The following ATAT1 variants were observed in gnomAD, a reference collection of about 807,000 sequenced individuals.
ATAT1 encodes alpha tubulin acetyltransferase 1.
Under a neutral mutation model 57.2 loss-of-function variants are expected in ATAT1, and 42 were observed. The ratio of observed to expected loss-of-function variants is 0.73; its 90% CI spans 0.57 to 0.95. The LOEUF (loss-of-function observed/expected upper bound fraction) is 0.95, where lower values mean the gene tolerates loss of function less well. Among genes scored for constraint, ATAT1 ranks in the 40% least tolerant of loss-of-function variants. The pLI is 0.00. For synonymous variants in ATAT1, 168 were observed against 187.1 expected, an observed-to-expected ratio of 0.90 and a Z score of 0.83; for missense variants, 454 against 523.7, an observed-to-expected ratio of 0.87 and a Z score of 1.30.
Position 30,646,587 on chromosome 6 carries a change from C to A in ATAT1, c.1174C>A (p.Leu392Ile). 6.3e-7 allele frequency: 1 copy of A among 1,578,478 alleles called. No individual in the cohort carries two copies. Among genetic ancestry groups the A allele is most frequent in the Non-Finnish European group, 8.6e-7 (1 of 1,162,538 alleles). Residue 392 changes from leucine to isoleucine, a missense_variant, in exon 13 of 13, where the codon CTC becomes ATC. Physicochemically the swap from Leu to Ile is conservative, Grantham distance 5. Coordinates refer to ENST00000330083, the MANE Select transcript of ATAT1 (RefSeq NM_001031722.4). ...GTCCTGGACAGTGGGTGGGGACATACTCAACGCCAGGTTCATTCGAAACCT... is the reference window on the plus strand; with the variant it reads ...GTCCTGGACAGTGGGTGGGGACATAATCAACGCCAGGTTCATTCGAAACCT...
intron 6 of ATAT1, among the ~76,000 whole-genome samples, chr6:30,639,660 G>A (rs1005975344): frequency 1.3e-5 from 2 of 151,560 alleles, no homozygotes; most frequent in Non-Finnish European, 2.9e-5. Context: ...TGTATTTTTA[G>A]TAGAGATGGG....
intron 6 of ATAT1, among the ~76,000 whole-genome samples, chr6:30,629,663 G>A (rs555050530): frequency 6.6e-6 from 1 of 152,270 alleles, no homozygotes; most frequent in Non-Finnish European, 1.5e-5. Context: ...TCCTGCCTCA[G>A]CCTCCCGAGT....
At chr6:30,627,401 C>T in intron 1 of ATAT1, 59 bp from the exon 2 acceptor site, 7 of 1,598,334 alleles carry the variant, frequency 4.4e-6, no homozygotes, top group Non-Finnish European at 6.0e-6. Flanking sequence ...CCAGGACTGA[C>T]TGCCTAGGAC....
chr6:30,636,218 T>C (rs1345546653), intron 6 of ATAT1, among the ~76,000 whole-genome samples: 1 of 152,102 alleles, frequency 6.6e-6, no homozygotes, highest in Admixed American at 6.6e-5. Context: ...AGGCAAGTGT[T>C]TGTCAGGTGG....
At position 30,642,835 on chromosome 6, in the gene ATAT1, C is replaced by CCCCCCCCCCCCCCCCCCCCCCCCCG; in HGVS notation, c.757_758insCCCCCCCCCCCCCCCCCCCCCCCGC (p.His253ProfsTer55). The CCCCCCCCCCCCCCCCCCCCCCCCCG allele has an allele frequency of 5.0e-6, 3 of 600,970 alleles. No individual in the cohort carries two copies. Among genetic ancestry groups the CCCCCCCCCCCCCCCCCCCCCCCCCG allele is most frequent in the Admixed American group, 2.1e-5 (1 of 46,550 alleles). 37.2% of individuals were successfully genotyped at this position (600,970 alleles called of 1,614,324 possible). A position where few individuals can be genotyped will look rare whatever the true frequency, so the allele number is the denominator to read the frequency against. On this transcript the variant is annotated frameshift_variant, in exon 10 of 13. Transcript: ENST00000330083. LOFTEE classifies it high-confidence loss of function. ...CCCCTCGCCGCGCCACACCTCCAGC[C>CCCCCCCCCCCCCCCCCCCCCCCCCG]CACCCACCCCCCCGCTCCAGCAGCC... is the stretch of plus-strand genomic sequence containing the variant.
At chr6:30,638,092 T>C (rs1467405656) in intron 6 of ATAT1, among the ~76,000 whole-genome samples, 1 of 152,042 alleles carries the variant, frequency 6.6e-6, no homozygotes, top group Non-Finnish European at 1.5e-5. Flanking sequence ...TTAGCCAGGG[T>C]GGTCTCGATC....
At chr6:30,635,500 A>C (rs1374964978) in intron 6 of ATAT1, among the ~76,000 whole-genome samples, 1 of 152,102 alleles carries the variant, frequency 6.6e-6, no homozygotes. Flanking sequence ...GAGGCAGGAC[A>C]ATCACTTGAA....
intron 6 of ATAT1, among the ~76,000 whole-genome samples, chr6:30,638,071 G>T (rs1231794185): frequency 6.6e-6 from 1 of 151,948 alleles, no homozygotes; most frequent in Non-Finnish European, 1.5e-5. Context: ...TAGAGACGGG[G>T]TTTCACCGTG....
intron 6 of ATAT1, among the ~76,000 whole-genome samples, chr6:30,638,129 G>A (rs1208650123): frequency 4.0e-5 from 6 of 151,814 alleles, no homozygotes; most frequent in South Asian, 2.1e-4. Flanking sequence ...GGCCCGCCTC[G>A]GCCTCCCAAA....
At chr6:30,628,942 C>T (rs1292276407) in intron 6 of ATAT1, among the ~76,000 whole-genome samples, 1 of 150,550 alleles carries the variant, frequency 6.6e-6, no homozygotes, top group Admixed American at 6.6e-5. Context: ...CCTGCTGTTG[C>T]CCAAGCTGGA....
intron 10 of ATAT1, 25 bp from the exon 11 acceptor site, chr6:30,645,870 C>T: frequency 6.9e-7 from 1 of 1,453,664 alleles, no homozygotes; most frequent in Non-Finnish European, 9.1e-7. Context: ...AGCCTCCTCC[C>T]CATCATCTCC....
chr6:30,627,754 A>T (rs759787115), intron 3 of ATAT1, 27 bp downstream of exon 3: 1 of 1,607,600 alleles, frequency 6.2e-7, no homozygotes, highest in South Asian at 1.1e-5. Context: ...CTTCCATCCC[A>T]TACTTAATTC....
At chr6:30,637,962 G>A (rs915425874) in intron 6 of ATAT1, among the ~76,000 whole-genome samples, 18 of 152,132 alleles carry the variant, frequency 1.2e-4, no homozygotes, top group Non-Finnish European at 1.9e-4. Flanking sequence ...GCAACAGAGC[G>A]AGACTCCATC....
At position 30,646,100 on chromosome 6, in the gene ATAT1, CAAAG is replaced by C. The variant is rs752998113; in HGVS notation, c.1049_1052del (p.Lys350IlefsTer85). 6.8e-6 allele frequency: 11 copies of C among 1,609,600 alleles called. No individual in the cohort carries two copies. The East Asian group carries it at 2.2e-4, about 33-fold the overall frequency. On this transcript the variant is annotated frameshift_variant, in exon 12 of 13. Transcript: ENST00000330083. LOFTEE classifies it low-confidence loss of function (END_TRUNC). Reference sequence around the variant, plus strand: ...GACTCCAAGCAGGGAGAACAGGAAACAAAGAATAGGTGAGGTCTAAACCCCTCCC... The same window carrying C: ...GACTCCAAGCAGGGAGAACAGGAAACAATAGGTGAGGTCTAAACCCCTCCC...
intron 9 of ATAT1, 104 bp from the exon 10 acceptor site, chr6:30,642,662 AAG>A: frequency 6.2e-6 from 5 of 807,026 alleles, no homozygotes; most frequent in South Asian, 1.6e-5. Flanking sequence ...AAAAAAAAAA[AAG>A]AAAGACTCAG....
At chr6:30,636,751 A>G (rs1048386523) in intron 6 of ATAT1, among the ~76,000 whole-genome samples, 1 of 152,000 alleles carries the variant, frequency 6.6e-6, no homozygotes, top group Non-Finnish European at 1.5e-5. Context: ...GGGTCTTCCT[A>G]CAGTATATTT....
chr6:30,645,619 T>C (rs1391513085), intron 10 of ATAT1, among the ~76,000 whole-genome samples: 1 of 152,210 alleles, frequency 6.6e-6, no homozygotes, highest in Non-Finnish European at 1.5e-5. Context: ...TCTTCTGACA[T>C]GATTTGGATC....
chr6:30,629,646 G>A (rs1413046283), intron 6 of ATAT1, among the ~76,000 whole-genome samples: 2 of 152,096 alleles, frequency 1.3e-5, no homozygotes, highest in Non-Finnish European at 2.9e-5. Flanking sequence ...CCAGGTTCAC[G>A]GCATTCTCCT....
intron 9 of ATAT1, 82 bp downstream of exon 9, chr6:30,642,329 G>C: frequency 6.3e-7 from 1 of 1,581,300 alleles, no homozygotes; most frequent in Non-Finnish European, 8.7e-7. Flanking sequence ...CCAGGGAAAG[G>C]ATTCGTTCTC....
Sources: allele counts gnomAD v4.1 joint callset (sites outside exome capture counted in the v4.1 genomes callset), GRCh38; gene constraint gnomAD v4.1.1; transcripts MANE v1.5; gene names NCBI Gene and HGNC (gene_info 2026-07-23, HGNC 2026-07-21).